Variants in JPH3 observed in about 807,000 individuals in gnomAD.
JPH3 encodes the protein junctophilin-3.
JPH3 carries 11 observed loss-of-function variants against 59.6 expected under a neutral mutation model. That is an observed-to-expected ratio of 0.18 (90% CI 0.12 to 0.31). JPH3 has a LOEUF of 0.31. Among genes scored for constraint, JPH3 ranks in the 10% least tolerant of loss-of-function variants. The probability of loss-of-function intolerance (pLI) is 1.00; values close to 1 mark genes in which losing one functional copy is unlikely to be tolerated. For synonymous variants in JPH3, 673 were observed against 483.6 expected (o/e 1.39, Z -5.14); for missense variants, 1,202 against 1,105.7 (o/e 1.09, Z -1.24).
At chr16:87,619,719 G>A (rs913687103) in intron 1 of JPH3, among the ~76,000 whole-genome samples, 5 of 152,216 alleles carry the variant, frequency 3.3e-5, no homozygotes, top group African/African-American at 4.8e-5. Flanking sequence ...TCTACTGAGC[G>A]CCGACTGTGT....
At chr16:87,630,807 A>G (rs1416339799) in intron 1 of JPH3, among the ~76,000 whole-genome samples, 2 of 152,036 alleles carry the variant, frequency 1.3e-5, no homozygotes, top group Non-Finnish European at 2.9e-5. Flanking sequence ...GTTGACTCCT[A>G]CTGTAGTAGA....
intron 1 of JPH3, among the ~76,000 whole-genome samples, chr16:87,632,883 ACT>A (rs1474682395): frequency 6.7e-6 from 1 of 148,256 alleles, no homozygotes; most frequent in East Asian, 2.0e-4. Flanking sequence ...ACAGAGCTGG[ACT>A]CTGTCTCAAA....
chr16:87,644,822 C>T lies in JPH3; in HGVS notation c.947C>T (p.Ala316Val), dbSNP rs2032086668. The T allele has an allele frequency of 4.3e-6, 7 of 1,613,308 alleles. No individual in the cohort carries two copies. The highest frequency in any genetic ancestry group is 4.5e-5 in the East Asian group (2 of 44,840). Residue 316 changes from alanine (A) to valine (V), a missense_variant, in exon 2 of 5, where the codon GCC becomes GTC. Transcript: ENST00000284262. ...GGGCTCAAGTACGAGGGCGAGTGGG[C>T]CAGCAACCGGCGCCATGGCTACGGC... The part of the protein sequence containing the change: ...SDGLKYEGEW[A>V]SNRRHGYGCM...
At chr16:87,682,080 G>A (rs985543223) in intron 2 of JPH3, among the ~76,000 whole-genome samples, 3 of 152,170 alleles carry the variant, frequency 2.0e-5, no homozygotes, top group Non-Finnish European at 2.9e-5. Context: ...AAGACAGGGG[G>A]TGTGCTCTCT....
intron 1 of JPH3, among the ~76,000 whole-genome samples, chr16:87,606,225 C>T (rs569937627): frequency 7.2e-5 from 11 of 152,364 alleles, no homozygotes; most frequent in African/African-American, 2.6e-4. Context: ...CTGACTTTTC[C>T]TTTGCACAAG....
In JPH3 at chr16:87,661,151, G is replaced by A. The variant is rs370135001; in HGVS notation, c.1160+16116G>A. 2.0e-5 allele frequency among the ~76,000 whole-genome samples: 3 copies of A among 152,246 alleles called. No homozygotes were observed. In the East Asian group the frequency reaches 5.8e-4, roughly 29 times the overall value. On this transcript the variant is annotated intron_variant, in intron 2 of 4. Coordinates refer to ENST00000284262, the MANE Select transcript of JPH3 (RefSeq NM_020655.4). ...GGCCGCCTGCGTTCCTTGGCTCGAG[G>A]TCCCTCCTCCACCTTCAGAGCCAGC...
chr16:87,690,589 TGTTTCCTGAGG>T, intron 4 of JPH3, 63 bp downstream of exon 4: 1 of 1,406,036 alleles, frequency 7.1e-7, no homozygotes, highest in South Asian at 1.7e-5. Context: ...GCTGACCTGG[TGTTTCCTGAGG>T]GTTTCCAGCA....
At chr16:87,688,535 G>C (rs1338751063) in intron 3 of JPH3, among the ~76,000 whole-genome samples, 1 of 151,884 alleles carries the variant, frequency 6.6e-6, no homozygotes, top group Admixed American at 6.5e-5. Context: ...TACAGGCCAG[G>C]AGAATGTCCG....
chr16:87,622,488 A>G (rs1460148704), intron 1 of JPH3, among the ~76,000 whole-genome samples: 1 of 142,032 alleles, frequency 7.0e-6, no homozygotes, highest in Non-Finnish European at 1.6e-5. Context: ...GCGTGCAGGC[A>G]GCCTCTCCTT....
intron 1 of JPH3, among the ~76,000 whole-genome samples, chr16:87,622,944 C>T (rs758213662): frequency 1.3e-5 from 2 of 152,126 alleles, no homozygotes; most frequent in Non-Finnish European, 2.9e-5. Flanking sequence ...GAGGACTTGC[C>T]TTCTCTGCGA....
chr16:87,688,891 C>T (rs979587931), intron 3 of JPH3, among the ~76,000 whole-genome samples: 7 of 152,200 alleles, frequency 4.6e-5, no homozygotes, highest in Non-Finnish European at 5.9e-5. Context: ...TCTTGGTTCT[C>T]ACCTCCTGCT....
intron 1 of JPH3, among the ~76,000 whole-genome samples, chr16:87,617,926 A>G (rs1030413158): frequency 2.6e-5 from 4 of 151,510 alleles, no homozygotes; most frequent in African/African-American, 4.9e-5. Flanking sequence ...ACTTTGGGAG[A>G]CTGAGGTGGG....
chr16:87,630,212 C>T (rs545628836), intron 1 of JPH3, among the ~76,000 whole-genome samples: 3 of 152,198 alleles, frequency 2.0e-5, no homozygotes, highest in Non-Finnish European at 2.9e-5. Flanking sequence ...GGTCAAGACG[C>T]ACCTGGGTCC....
At chr16:87,635,295 G>A (rs767219460) in intron 1 of JPH3, among the ~76,000 whole-genome samples, 1 of 152,186 alleles carries the variant, frequency 6.6e-6, no homozygotes, top group Non-Finnish European at 1.5e-5. Flanking sequence ...TGAGGGCTGC[G>A]CTCTCTCCAG....
chr16:87,690,042 C>T lies in JPH3; in HGVS notation c.1682C>T (p.Ser561Leu), dbSNP rs1483760703. The stretch of plus-strand genomic sequence containing the variant: ...GTGGATGACTTCCGCACCCGAGGTT[C>T]GGGCCGCAAGCAGCCCGGGAACCCC... ...LLVDDFRTRG[S>L]GRKQPGNPKP... Residue 561 changes from serine to leucine, a missense_variant, in exon 4 of 5, where the codon TCG (serine) becomes TTG (leucine). Ser to Leu is a moderately radical substitution (Grantham distance 145). Transcript: ENST00000284262. 1.8e-5 allele frequency: 28 copies of T among 1,554,872 alleles called. No individual in the cohort carries two copies. Among genetic ancestry groups the T allele is most frequent in the African/African-American group, 2.7e-5 (2 of 72,872 alleles).
At chr16:87,692,959 C>G (rs568399929) in intron 4 of JPH3, among the ~76,000 whole-genome samples, 1 of 152,368 alleles carries the variant, frequency 6.6e-6, no homozygotes, top group East Asian at 1.9e-4. Context: ...CCTTCCTCCT[C>G]GCTGGGGTGG....
At chr16:87,637,554 C>T (rs1372851328) in intron 1 of JPH3, among the ~76,000 whole-genome samples, 2 of 152,106 alleles carry the variant, frequency 1.3e-5, no homozygotes, top group African/African-American at 2.4e-5. Flanking sequence ...GACCCAGTCA[C>T]GTGCTGCGCT....
intron 1 of JPH3, among the ~76,000 whole-genome samples, chr16:87,631,397 TG>T (rs1227799476): frequency 6.6e-6 from 1 of 152,228 alleles, no homozygotes; most frequent in Non-Finnish European, 1.5e-5. Context: ...GCTCATAATT[TG>T]GGGCGGTGGG....
intron 2 of JPH3, among the ~76,000 whole-genome samples, chr16:87,663,575 C>A (rs568806951): frequency 6.6e-6 from 1 of 152,336 alleles, no homozygotes; most frequent in South Asian, 2.1e-4. Flanking sequence ...TGGGTGAACA[C>A]AGCCACTGCC....
Sources: gnomAD v4.1 joint callset for allele counts (sites outside exome capture counted in the v4.1 genomes callset) on GRCh38, gnomAD v4.1.1 for gene constraint, MANE v1.5 for transcripts, NCBI Gene and HGNC (gene_info 2026-07-23, HGNC 2026-07-21) for gene names.